The following FAM168A variants were observed in gnomAD, a reference collection of about 807,000 sequenced individuals.
FAM168A encodes protein FAM168A.
In FAM168A, 3 loss-of-function variants were observed where a neutral mutation model predicts 28.5. The observed-to-expected ratio is 0.11, with a 90% CI of 0.05 to 0.27. The LOEUF is 0.27. Ranked by LOEUF, FAM168A falls within the 10% of genes least tolerant of loss-of-function variation. The pLI, the probability that FAM168A is intolerant of heterozygous loss-of-function variation, is 1.00. For missense variants in FAM168A, 222 were observed against 311.5 expected, an observed-to-expected ratio of 0.71 and a Z score of 2.16; for synonymous variants, 122 against 124.2, an observed-to-expected ratio of 0.98 and a Z score of 0.12.
At chr11:73,527,379 T>C (rs1032413844) in intron 1 of FAM168A, among the ~76,000 whole-genome samples, 8 of 152,282 alleles carry the variant, frequency 5.3e-5, no homozygotes, top group Admixed American at 4.6e-4. Flanking sequence ...AGGAAATAAC[T>C]ACCTTTAATG....
intron 1 of FAM168A, among the ~76,000 whole-genome samples, chr11:73,562,392 A>C (rs1006051034): frequency 3.9e-5 from 6 of 152,220 alleles, no homozygotes; most frequent in Admixed American, 3.9e-4. Flanking sequence ...GTATCATTTG[A>C]CTCAGACCTT....
chr11:73,451,551 A>G (rs1867430088), intron 2 of FAM168A, among the ~76,000 whole-genome samples: 5 of 146,996 alleles, frequency 3.4e-5, no homozygotes, highest in Admixed American at 3.3e-4. Flanking sequence ...CTACAGTCAT[A>G]TGCTGCATAA....
chr11:73,569,857 T>TAAATAAATAAATAAATAAAC (rs1210704680), intron 1 of FAM168A, among the ~76,000 whole-genome samples: 68 of 135,154 alleles, frequency 5.0e-4, no homozygotes, highest in Non-Finnish European at 8.8e-4. Flanking sequence ...AATAAATAAA[T>TAAATAAATAAATAAATAAAC]AAACAAAATA....
intron 1 of FAM168A, among the ~76,000 whole-genome samples, chr11:73,511,200 TA>T (rs1310551341): frequency 6.6e-6 from 1 of 151,310 alleles, no homozygotes; most frequent in Non-Finnish European, 1.5e-5. Flanking sequence ...CTCCCTCGGG[TA>T]AAGGGAGCAA....
Position 73,555,001 on chromosome 11 carries a change from C to G in FAM168A, c.-19+42922G>C, listed in dbSNP as rs537112283. Among the ~76,000 whole-genome samples the G allele has an allele frequency of 1.3e-4, 20 of 152,200 alleles. No individual in the cohort carries two copies. In the East Asian group the frequency reaches 3.5e-3, roughly 26 times the overall value. ...AAGGAAGGCAGCAGCAGGAATGTGG[C>G]AAAGTCAAGAGAAGGTCAAGGTAGC... On this transcript the variant is annotated intron_variant, in intron 1 of 7. Coordinates refer to ENST00000356467, the MANE Select transcript of FAM168A (RefSeq NM_015159.3).
intron 2 of FAM168A, among the ~76,000 whole-genome samples, chr11:73,465,117 G>A (rs1867714545): frequency 6.6e-6 from 1 of 151,348 alleles, no homozygotes; most frequent in Admixed American, 6.6e-5. Context: ...CCAACCATCT[G>A]TATAGGTCAT....
intron 1 of FAM168A, among the ~76,000 whole-genome samples, chr11:73,496,991 A>G (rs900650619): frequency 2.0e-5 from 3 of 152,144 alleles, no homozygotes; most frequent in Non-Finnish European, 4.4e-5. Context: ...AATTTTACAC[A>G]AATTCCCCAC....
chr11:73,595,499 CCCT>C (rs1207676983), intron 1 of FAM168A, among the ~76,000 whole-genome samples: 2 of 152,196 alleles, frequency 1.3e-5, no homozygotes, highest in Non-Finnish European at 2.9e-5. Flanking sequence ...TTCTTTACAT[CCCT>C]CCTCATTTTT....
intron 2 of FAM168A, among the ~76,000 whole-genome samples, chr11:73,438,493 C>G (rs1036981419): frequency 3.9e-5 from 6 of 152,138 alleles, no homozygotes; most frequent in African/African-American, 1.2e-4. Flanking sequence ...AAATGGCAAA[C>G]AGTTAAGTAC....
chr11:73,489,098 C>T (rs1868093826), intron 1 of FAM168A, among the ~76,000 whole-genome samples: 4 of 152,132 alleles, frequency 2.6e-5, no homozygotes, highest in Non-Finnish European at 4.4e-5. Context: ...CCAGGCTGGT[C>T]TTGAACTCCT....
At chr11:73,476,898 A>G (rs1204896760) in intron 1 of FAM168A, among the ~76,000 whole-genome samples, 1 of 152,150 alleles carries the variant, frequency 6.6e-6, no homozygotes, top group Non-Finnish European at 1.5e-5. Flanking sequence ...AATCTGAAAA[A>G]CAAAAAGAAA....
intron 2 of FAM168A, among the ~76,000 whole-genome samples, chr11:73,442,125 C>CTT (rs59066860): frequency 1.7e-4 from 22 of 130,956 alleles, no homozygotes; most frequent in South Asian, 7.2e-4. Context: ...CTTTCTTCTT[C>CTT]TTTTTTTTTT....
At chr11:73,434,759 G>C (rs1485419798) in intron 2 of FAM168A, among the ~76,000 whole-genome samples, 5 of 152,210 alleles carry the variant, frequency 3.3e-5, no homozygotes, top group Non-Finnish European at 5.9e-5. Flanking sequence ...ACTTATGTTT[G>C]AAAAGGGTCA....
At chr11:73,511,779 G>A (rs1772935046) in intron 1 of FAM168A, among the ~76,000 whole-genome samples, 1 of 152,130 alleles carries the variant, frequency 6.6e-6, no homozygotes, top group Admixed American at 6.5e-5. Context: ...CTCATCTGTA[G>A]TAATGTGACT....
intron 1 of FAM168A, among the ~76,000 whole-genome samples, chr11:73,499,993 C>T (rs1452815594): frequency 6.6e-6 from 1 of 151,972 alleles, no homozygotes; most frequent in East Asian, 1.9e-4. Flanking sequence ...GCAAGAGAGG[C>T]CAACATGCAA....
At chr11:73,432,439 T>TTTA (rs60205385) in intron 2 of FAM168A, among the ~76,000 whole-genome samples, 2,762 of 151,310 alleles carry the variant, frequency 0.018, 70 homozygotes, top group African/African-American at 0.058. Flanking sequence ...CAACCCTTGT[T>TTTA]TTATTATTAT....
intron 2 of FAM168A, among the ~76,000 whole-genome samples, chr11:73,462,789 G>A (rs1449214011): frequency 1.3e-5 from 2 of 151,728 alleles, no homozygotes; most frequent in Admixed American, 1.3e-4. Flanking sequence ...GCTTGAACCT[G>A]GGAGGCGGAG....
chr11:73,572,763 A>G (rs1248362239), intron 1 of FAM168A, among the ~76,000 whole-genome samples: 1 of 151,450 alleles, frequency 6.6e-6, no homozygotes, highest in Non-Finnish European at 1.5e-5. Context: ...TCCTCTGCCT[A>G]GGAAAACCAG....
chr11:73,481,441 A>G (rs1164416263), intron 1 of FAM168A, among the ~76,000 whole-genome samples: 1 of 152,210 alleles, frequency 6.6e-6, no homozygotes, highest in Non-Finnish European at 1.5e-5. Context: ...AAATTATCAC[A>G]TATCTCTGAA....
Sources: gnomAD v4.1 joint callset for allele counts (sites outside exome capture counted in the v4.1 genomes callset) on GRCh38, gnomAD v4.1.1 for gene constraint, MANE v1.5 for transcripts, NCBI Gene and HGNC (gene_info 2026-07-23, HGNC 2026-07-21) for gene names.